Variants in NPHP3 observed in about 807,000 individuals in gnomAD.
The protein encoded by NPHP3 is nephrocystin-3.
Under a neutral mutation model 171.9 loss-of-function variants are expected in NPHP3, and 123 were observed. That is an observed-to-expected ratio of 0.72 (90% CI 0.62 to 0.83). NPHP3 has a LOEUF of 0.83. Among genes scored for constraint, NPHP3 ranks in the 40% least tolerant of loss-of-function variants. The probability of loss-of-function intolerance (pLI) is 0.00; values close to 1 mark genes in which losing one functional copy is unlikely to be tolerated. For synonymous variants in NPHP3, 558 were observed against 579.2 expected (o/e 0.96, Z 0.52); for missense variants, 1,506 against 1,591.9 (o/e 0.95, Z 0.92).
At position 132,721,984 on chromosome 3, in the gene NPHP3, C is replaced by T; in HGVS notation, c.372G>A (p.Lys124=). 1 of 1,613,152 alleles carries T rather than the reference C, an allele frequency of 6.2e-7. No homozygotes were observed. Among genetic ancestry groups the T allele is most frequent in the East Asian group, 2.2e-5 (1 of 44,880 alleles). ...TTACCTGCAGTTCGGCCCGCAGCCGCTTGTTCTCCGTGTCCAGCTTGGCCT... is the reference window on the plus strand; with the variant it reads ...TTACCTGCAGTTCGGCCCGCAGCCGTTTGTTCTCCGTGTCCAGCTTGGCCT... The part of the protein sequence containing the change: ...RREAKLDTEN[K]RLRAELQALQ... The change falls in exon 1 of 27, where the codon AAG becomes AAA. Residue 124 remains lysine (K), a synonymous_variant. Coordinates refer to ENST00000337331, the MANE Select transcript of NPHP3 (RefSeq NM_153240.5).
At chr3:132,686,006 AC>A (rs1939150727) in intron 23 of NPHP3, 1 of 390,414 alleles carries the variant, frequency 2.6e-6, no homozygotes, top group African/African-American at 2.1e-5. Flanking sequence ...CCGAGATCAC[AC>A]CACTGCACTC....
intron 16 of NPHP3, 50 bp from the exon 17 acceptor site, chr3:132,692,868 AC>A: frequency 6.8e-7 from 1 of 1,470,498 alleles, no homozygotes; most frequent in South Asian, 1.2e-5. Context: ...TGTATAAGTA[AC>A]TAACGGCCAT....
In NPHP3 at chr3:132,703,210, TG is replaced by T. The variant is rs569529659; in HGVS notation, c.1524+987del. On this transcript the variant is annotated intron_variant, in intron 9 of 26. Transcript: ENST00000337331. The stretch of plus-strand genomic sequence containing the variant: ...CAGCCAAGAAAGTCAAAGTTTAGAG[TG>T]GCCAAGTAACTTGAAGAAATCTAGT... Among the ~76,000 whole-genome samples, 551 of 152,254 alleles carry T rather than the reference TG, an allele frequency of 3.6e-3. 8 individuals carry two copies. Among genetic ancestry groups the T allele is most frequent in the African/African-American group, 0.012 (514 of 41,540 alleles).
chr3:132,699,768 T>A, intron 12 of NPHP3, 150 bp downstream of exon 12: 1 of 815,442 alleles, frequency 1.2e-6, no homozygotes, highest in Non-Finnish European at 1.9e-6. Context: ...TATATTTTTT[T>A]AATCCATGTT....
At chr3:132,692,988 A>G in intron 16 of NPHP3, 170 bp from the exon 17 acceptor site, 2 of 623,608 alleles carry the variant, frequency 3.2e-6, no homozygotes, top group Non-Finnish European at 5.6e-6. Context: ...TCCAAAAGAC[A>G]TTAATGAAGA....
Position 132,694,839 on chromosome 3 carries a change from C to A in NPHP3, c.2298G>T (p.Glu766Asp). 2 of 1,613,420 alleles carry A rather than the reference C, an allele frequency of 1.2e-6. No individual in the cohort carries two copies. Among genetic ancestry groups the A allele is most frequent in the Non-Finnish European group, 1.7e-6 (2 of 1,179,950 alleles). ...TATTACATTCTACCTGCTTCATTAG[C>A]TCTTTATCCACATCATTTGCCATGG... Reference protein sequence around the residue: ...RESMANDVDKELMKQILCLVN... With the variant: ...RESMANDVDKDLMKQILCLVN... Residue 766 changes from glutamate (E) to aspartate (D), a missense_variant, in exon 16 of 27, where the codon GAG (glutamate) becomes GAT (aspartate). Physicochemically the swap from Glu to Asp is conservative, Grantham distance 45. This residue lies in a region of NPHP3 where 930 missense variants were observed against 924.9 expected (regional missense o/e 1.01). Coordinates refer to ENST00000337331, the MANE Select transcript of NPHP3 (RefSeq NM_153240.5).
chr3:132,703,644 G>A (rs1939674721), intron 9 of NPHP3, among the ~76,000 whole-genome samples: 1 of 149,914 alleles, frequency 6.7e-6, no homozygotes, highest in South Asian at 2.1e-4. Flanking sequence ...CAGGGGTGTG[G>A]TCATGGCTCA....
At position 132,697,247 on chromosome 3, in the gene NPHP3, G is replaced by T; in HGVS notation, c.2088+13C>A. The T allele has an allele frequency of 6.5e-7, 1 of 1,537,146 alleles. No homozygotes were observed. The highest frequency in any genetic ancestry group is 1.1e-5 in the South Asian group (1 of 89,566). On this transcript the variant is annotated intron_variant, in intron 14 of 26. Transcript: ENST00000337331. Reference sequence around the variant, plus strand: ...AGAGAGTAAAAGATTGCATCAAAATGAAAAATACACACCTGCTCTTTACTC... The same window carrying T: ...AGAGAGTAAAAGATTGCATCAAAATTAAAAATACACACCTGCTCTTTACTC...
intron 9 of NPHP3, among the ~76,000 whole-genome samples, chr3:132,703,714 G>A (rs1008745706): frequency 6.6e-6 from 1 of 151,622 alleles, no homozygotes; most frequent in Non-Finnish European, 1.5e-5. Context: ...CAAGTAGCTG[G>A]GATTACAGGT....
rs1463953020 is a variant in NPHP3, at chr3:132,690,589, T to C, written c.2632A>G (p.Ser878Gly). Residue 878 changes from serine to glycine, a missense_variant, in exon 19 of 27, where the codon AGT becomes GGT. Physicochemically the swap from Ser to Gly is moderately conservative, Grantham distance 56 (BLOSUM62 0). Coordinates refer to ENST00000337331, the MANE Select transcript of NPHP3 (RefSeq NM_153240.5). ...ELPWLFQQQG[S>G]KQKLHDCLLN... The stretch of plus-strand genomic sequence containing the variant: ...AGGCAATCATGCAGCTTCTGTTTAC[T>C]TCCCTGCTGCTGAAAAAGCCACGGG... The C allele has an allele frequency of 6.2e-7, 1 of 1,613,464 alleles. No homozygotes were observed. The highest frequency in any genetic ancestry group is 8.5e-7 in the Non-Finnish European group (1 of 1,179,532).
intron 4 of NPHP3, 146 bp downstream of exon 4, chr3:132,716,610 GC>G: frequency 3.5e-6 from 3 of 863,720 alleles, no homozygotes; most frequent in Non-Finnish European, 5.7e-6. Flanking sequence ...GTTAGTTACA[GC>G]CCCACTGTAT....
chr3:132,707,767 C>T (rs776752828), intron 7 of NPHP3, among the ~76,000 whole-genome samples: 2 of 152,128 alleles, frequency 1.3e-5, no homozygotes, highest in Non-Finnish European at 2.9e-5. Flanking sequence ...GGCTCTCAGA[C>T]TCTGCACACT....
At chr3:132,716,712 C>G in intron 4 of NPHP3, 45 bp downstream of exon 4, 1 of 1,590,210 alleles carries the variant, frequency 6.3e-7, no homozygotes, top group Non-Finnish European at 8.6e-7. Flanking sequence ...AAAACATGAA[C>G]AGTCACTACC....
In NPHP3 at chr3:132,712,527, G is replaced by A. The variant is rs985323844; in HGVS notation, c.1118+599C>T. The A allele has an allele frequency of 2.1e-4, 97 of 454,802 alleles. 2 individuals are homozygous for A. Among genetic ancestry groups the A allele is most frequent in the South Asian group, 1.3e-3 (85 of 64,312 alleles). 28.2% of individuals were successfully genotyped at this position (454,802 alleles called of 1,614,324 possible). A position where few individuals can be genotyped will look rare whatever the true frequency, so the allele number is the denominator to read the frequency against. On this transcript the variant is annotated intron_variant, in intron 6 of 26. Transcript: ENST00000337331. ...TACGCCTGTAATCCCAGCACTTTGG[G>A]AGGCCAAGGCAGGGGGATCACAAGG...
intron 10 of NPHP3, 87 bp from the exon 11 acceptor site, chr3:132,700,535 A>G (rs1939581078): frequency 1.3e-6 from 1 of 743,862 alleles, no homozygotes; most frequent in African/African-American, 1.8e-5. Context: ...GTAAACATCA[A>G]ATGTTGCCTA....
At position 132,708,219 on chromosome 3, in the gene NPHP3, T is replaced by C. The variant is rs142021049; in HGVS notation, c.1157A>G (p.Asn386Ser). The change falls in exon 7 of 27, where the codon AAC (asparagine) becomes AGC (serine). Residue 386 changes from asparagine (N) to serine (S), a missense_variant. Physicochemically the swap from Asn to Ser is conservative, Grantham distance 46. This residue lies in a region of NPHP3 where 930 missense variants were observed against 924.9 expected (regional missense o/e 1.01). Transcript: ENST00000337331. ...LEDCEEAFLK[N>S]PEGKPRLIFH... is the part of the protein sequence containing the mutation. ...GATTAATCGAGGTTTTCCTTCAGGG[T>C]TTTTCAGAAAAGCTTCTTCACAGTC... The C allele has an allele frequency of 3.1e-3, 4,930 of 1,614,046 alleles. 7 individuals carry two copies. Among genetic ancestry groups the C allele is most frequent in the Non-Finnish European group, 3.9e-3 (4,591 of 1,179,948 alleles).
chr3:132,717,752 CTTTTTTTTTTTTTT>C (rs959757847), intron 3 of NPHP3, among the ~76,000 whole-genome samples: 4 of 81,244 alleles, frequency 4.9e-5, no homozygotes, highest in African/African-American at 1.0e-4. Flanking sequence ...CATTAAGAAT[CTTTTTTTTTTTTTT>C]TTTTTTTTTT....
chr3:132,720,001 G>A (rs958586689), intron 1 of NPHP3, among the ~76,000 whole-genome samples, 171 bp from the exon 2 acceptor site: 5 of 151,812 alleles, frequency 3.3e-5, no homozygotes, highest in Non-Finnish European at 7.4e-5. Flanking sequence ...TTCAAAACAT[G>A]ATGGAAAAAA....
rs1939275973 is a variant in NPHP3 at position 132,690,635 on chromosome 3, A to G, written c.2586T>C (p.Thr862=). 1 of 1,613,874 alleles carries G rather than the reference A, an allele frequency of 6.2e-7. No homozygotes were observed. Among genetic ancestry groups the G allele is most frequent in the Non-Finnish European group, 8.5e-7 (1 of 1,179,800 alleles). Residue 862 remains threonine, a synonymous_variant, in exon 19 of 27, where the codon ACT becomes ACC. Transcript: ENST00000337331. The stretch of plus-strand genomic sequence containing the variant: ...ACGGGAGTTCATCTGCACTTCTCCA[A>G]GTCACTCTGTCCTGACTATCAAAAG... ...FTLQLSQDRV[T]WRSADELPWL... is the part of the protein sequence containing the mutation.
Sources: allele counts gnomAD v4.1 joint callset (sites outside exome capture counted in the v4.1 genomes callset), GRCh38; gene constraint gnomAD v4.1.1; regional missense constraint gnomAD v4.1.1; transcripts MANE v1.5; gene names NCBI Gene and HGNC (gene_info 2026-07-23, HGNC 2026-07-21).